APBB2: variants seen among roughly 807,000 people sequenced by gnomAD.
APBB2 encodes amyloid beta precursor protein binding family B member 2.
A neutral mutation model predicts 82.5 loss-of-function variants in APBB2; 38 were observed. That is an observed-to-expected ratio of 0.46 (90% CI 0.36 to 0.60). APBB2 has a LOEUF of 0.60. APBB2 is among the 20% of genes least tolerant of loss of function. The pLI is 0.00. For missense variants in APBB2, 772 were observed against 972.3 expected, an observed-to-expected ratio of 0.79 and a Z score of 2.74; for synonymous variants, 341 against 368.2, an observed-to-expected ratio of 0.93 and a Z score of 0.85.
At chr4:41,046,768 C>T (rs1405268852) in intron 4 of APBB2, among the ~76,000 whole-genome samples, 13 of 152,258 alleles carry the variant, frequency 8.5e-5, no homozygotes, top group Middle Eastern at 3.4e-3. Flanking sequence ...CAAGGGAAGC[C>T]GTCCCAAGGG....
intron 5 of APBB2, among the ~76,000 whole-genome samples, chr4:41,029,676 A>G (rs533110974): frequency 4.0e-5 from 6 of 151,778 alleles, no homozygotes; most frequent in Admixed American, 1.3e-4. Flanking sequence ...TGTTGTACAC[A>G]ATAAACATAT....
chr4:41,192,874 C>A (rs1360184794), intron 1 of APBB2, among the ~76,000 whole-genome samples: 1 of 152,168 alleles, frequency 6.6e-6, no homozygotes, highest in African/African-American at 2.4e-5. Context: ...ACCATAACAT[C>A]ATGTTGTACA....
chr4:40,939,557 C>CG, intron 7 of APBB2, among the ~76,000 whole-genome samples: 1 of 152,308 alleles, frequency 6.6e-6, no homozygotes, highest in East Asian at 1.9e-4. Context: ...CCAAGGACTA[C>CG]GGCAGGCAAT....
At chr4:41,016,962 G>A (rs1205985412) in intron 5 of APBB2, among the ~76,000 whole-genome samples, 4 of 151,968 alleles carry the variant, frequency 2.6e-5, no homozygotes, top group Non-Finnish European at 5.9e-5. Flanking sequence ...AGTGGCAGGA[G>A]CATGCCTCAC....
chr4:40,885,946 T>C (rs532465295), intron 12 of APBB2, among the ~76,000 whole-genome samples: 61 of 152,172 alleles, frequency 4.0e-4, no homozygotes, highest in African/African-American at 1.4e-3. Flanking sequence ...TTTTTTTTTC[T>C]CAAGGGAAAA....
At chr4:41,138,712 G>C (rs1197286354) in intron 2 of APBB2, among the ~76,000 whole-genome samples, 1 of 152,130 alleles carries the variant, frequency 6.6e-6, no homozygotes, top group Non-Finnish European at 1.5e-5. Flanking sequence ...ACATAACTTT[G>C]TATTTCTCAC....
intron 3 of APBB2, among the ~76,000 whole-genome samples, chr4:41,076,875 T>C (rs1735806807): frequency 6.6e-6 from 1 of 151,842 alleles, no homozygotes; most frequent in Non-Finnish European, 1.5e-5. Flanking sequence ...ACAGATACTG[T>C]GAGAACAAGA....
At chr4:40,908,921 G>A (rs1236255548) in intron 10 of APBB2, among the ~76,000 whole-genome samples, 1 of 152,174 alleles carries the variant, frequency 6.6e-6, no homozygotes, top group Non-Finnish European at 1.5e-5. Context: ...GCCTATGGAG[G>A]CAAAGGAAAT....
At position 40,890,382 on chromosome 4, in the gene APBB2, A is replaced by G; in HGVS notation, c.1511T>C (p.Val504Ala). The G allele has an allele frequency of 6.2e-7, 1 of 1,613,090 alleles. No homozygotes were observed. Among genetic ancestry groups the G allele is most frequent in the Non-Finnish European group, 8.5e-7 (1 of 1,179,926 alleles). ...QPIVSIRVWG[V>A]GRDNGRDFAY... is the part of the protein sequence containing the mutation. The stretch of plus-strand genomic sequence containing the variant: ...GACTCACCGGCCATTGTCGCGGCCC[A>G]CGCCCCACACGCGGATGCTGACGAT... The change falls in exon 12 of 18, where the codon GTG becomes GCG. Residue 504 changes from valine to alanine, a missense_variant. Coordinates refer to ENST00000508593, the MANE Select transcript of APBB2 (RefSeq NM_004307.2).
At chr4:40,906,223 G>A (rs1776660919) in intron 10 of APBB2, among the ~76,000 whole-genome samples, 1 of 152,092 alleles carries the variant, frequency 6.6e-6, no homozygotes, top group Non-Finnish European at 1.5e-5. Flanking sequence ...TTGGGAGGCT[G>A]AGGTGGCTTC....
intron 6 of APBB2, among the ~76,000 whole-genome samples, chr4:40,988,767 CT>C (rs557265622): frequency 0.016 from 2,264 of 139,252 alleles, 45 homozygotes; most frequent in African/African-American, 0.05. Flanking sequence ...AATCCAAAGT[CT>C]TTTTTTTTTT....
At chr4:41,095,290 A>G (rs947564414) in intron 3 of APBB2, among the ~76,000 whole-genome samples, 5 of 152,368 alleles carry the variant, frequency 3.3e-5, no homozygotes, top group Middle Eastern at 3.4e-3. Context: ...TTCTTAGTAC[A>G]GTTCCCAGCA....
intron 3 of APBB2, among the ~76,000 whole-genome samples, chr4:41,086,261 T>C (rs189827434): frequency 1.4e-3 from 211 of 152,286 alleles, no homozygotes; most frequent in African/African-American, 4.8e-3. Flanking sequence ...AGAATTAACA[T>C]CAATCCTCAA....
intron 11 of APBB2, chr4:40,893,020 G>A (rs6814800): frequency 0.64 from 235,176 of 365,456 alleles, 77,116 homozygotes; most frequent in East Asian, 0.85. Context: ...AAGCTCACCC[G>A]TGAATCTGTG....
chr4:40,851,971 C>T (rs1478767298), intron 12 of APBB2, among the ~76,000 whole-genome samples: 3 of 152,000 alleles, frequency 2.0e-5, no homozygotes, highest in Non-Finnish European at 4.4e-5. Flanking sequence ...AAGTTACCCT[C>T]TTTGAATTGA....
At chr4:41,120,776 G>T (rs772457519) in intron 2 of APBB2, among the ~76,000 whole-genome samples, 3 of 152,166 alleles carry the variant, frequency 2.0e-5, no homozygotes, top group Non-Finnish European at 2.9e-5. Context: ...ATTGACTTCT[G>T]CATATTTCTC....
chr4:41,112,683 C>A (rs1749610766), intron 2 of APBB2, among the ~76,000 whole-genome samples: 1 of 152,212 alleles, frequency 6.6e-6, no homozygotes, highest in Non-Finnish European at 1.5e-5. Flanking sequence ...TGGGTCTACA[C>A]AGCATTATTA....
intron 3 of APBB2, among the ~76,000 whole-genome samples, chr4:41,075,248 C>T (rs755495977): frequency 4.6e-5 from 7 of 152,060 alleles, no homozygotes; most frequent in Non-Finnish European, 1.0e-4. Flanking sequence ...TTGAACAAGA[C>T]CCAAAAATAA....
At chr4:40,982,249 A>AGAAAGAAAGAAG (rs1798783233) in intron 6 of APBB2, among the ~76,000 whole-genome samples, 1 of 11,898 alleles carries the variant, frequency 8.4e-5, no homozygotes, top group Non-Finnish European at 2.0e-4. Context: ...AAAGAAAGAA[A>AGAAAGAAAGAAG]GAAAGAAAGA....
Sources: allele counts gnomAD v4.1 joint callset (sites outside exome capture counted in the v4.1 genomes callset), GRCh38; gene constraint gnomAD v4.1.1; transcripts MANE v1.5; gene names NCBI Gene and HGNC (gene_info 2026-07-23, HGNC 2026-07-21).